The following PPFIA2 variants were observed in gnomAD, a reference collection of about 807,000 sequenced individuals.
The protein encoded by PPFIA2 is PPFI scaffold protein A2.
Under a neutral mutation model 175.5 loss-of-function variants are expected in PPFIA2, and 46 were observed. The ratio of observed to expected loss-of-function variants is 0.26; its 90% CI spans 0.21 to 0.34. The LOEUF is 0.34. Among genes scored for constraint, PPFIA2 ranks in the 10% least tolerant of loss-of-function variants. The pLI, the probability that PPFIA2 is intolerant of heterozygous loss-of-function variation, is 1.00. For synonymous variants in PPFIA2, 568 were observed against 511.4 expected (o/e 1.11, Z -1.49); for missense variants, 1,179 against 1,506.1 (o/e 0.78, Z 3.60).
At chr12:81,711,921 T>C (rs1288346875) in intron 3 of PPFIA2, among the ~76,000 whole-genome samples, 1 of 151,048 alleles carries the variant, frequency 6.6e-6, no homozygotes, top group African/African-American at 2.4e-5. Flanking sequence ...CCATTTCTTA[T>C]ACTTCTGATA....
At chr12:81,460,143 AT>A (rs1489744984) in intron 4 of PPFIA2, among the ~76,000 whole-genome samples, 1 of 152,110 alleles carries the variant, frequency 6.6e-6, no homozygotes, top group Admixed American at 6.6e-5. Flanking sequence ...CAAATCTCAC[AT>A]TGAATTGTAA....
At chr12:81,720,337 T>C (rs1288593940) in intron 3 of PPFIA2, among the ~76,000 whole-genome samples, 1 of 151,520 alleles carries the variant, frequency 6.6e-6, no homozygotes, top group Non-Finnish European at 1.5e-5. Flanking sequence ...TGACACTAAA[T>C]ACATTTGGAT....
At chr12:81,462,524 A>G (rs2054758373) in intron 4 of PPFIA2, among the ~76,000 whole-genome samples, 1 of 143,146 alleles carries the variant, frequency 7.0e-6, no homozygotes. Context: ...TTTTTCACTC[A>G]TATATATGTA....
intron 7 of PPFIA2, among the ~76,000 whole-genome samples, chr12:81,428,301 C>A (rs1231419238): frequency 6.6e-6 from 1 of 151,884 alleles, no homozygotes; most frequent in Non-Finnish European, 1.5e-5. Flanking sequence ...GATTTGCAAA[C>A]AAACTTCAAA....
chr12:81,369,521 G>A, intron 11 of PPFIA2: 1 of 809,360 alleles, frequency 1.2e-6, no homozygotes, highest in Non-Finnish European at 1.6e-6. Flanking sequence ...TGCACAGATG[G>A]TTGATTATCA....
chr12:81,493,787 T>C (rs11114884), intron 4 of PPFIA2, among the ~76,000 whole-genome samples: 18,293 of 127,292 alleles, frequency 0.14, 1,318 homozygotes, highest in Admixed American at 0.19. Flanking sequence ...TATATATATA[T>C]ACACATTGGA....
At chr12:81,358,427 T>G (rs912568570) in intron 15 of PPFIA2, among the ~76,000 whole-genome samples, 2 of 152,180 alleles carry the variant, frequency 1.3e-5, no homozygotes, top group Non-Finnish European at 2.9e-5. Flanking sequence ...GAAAGTCAAG[T>G]GCACTTTCTT....
chr12:81,516,198 C>T (rs957370493), intron 4 of PPFIA2, among the ~76,000 whole-genome samples: 10 of 151,828 alleles, frequency 6.6e-5, no homozygotes, highest in Non-Finnish European at 5.9e-5. Flanking sequence ...TTAAAGTTGG[C>T]CAAGTTATTG....
chr12:81,377,568 AG>A (rs1248527758), intron 9 of PPFIA2, among the ~76,000 whole-genome samples: 2 of 151,504 alleles, frequency 1.3e-5, no homozygotes, highest in African/African-American at 4.8e-5. Context: ...AAAAAAAAAA[AG>A]AAAAAGGAAT....
At chr12:81,415,029 G>C (rs1179459341) in intron 7 of PPFIA2, among the ~76,000 whole-genome samples, 2 of 149,488 alleles carry the variant, frequency 1.3e-5, no homozygotes, top group African/African-American at 4.9e-5. Flanking sequence ...AGTTTGATCA[G>C]CTTACATGTA....
At chr12:81,532,672 A>T (rs762314044) in intron 4 of PPFIA2, among the ~76,000 whole-genome samples, 1 of 151,742 alleles carries the variant, frequency 6.6e-6, no homozygotes. Flanking sequence ...ACTGTTTCTG[A>T]TTACAATCTA....
At chr12:81,284,529 T>C (rs1454410663) in intron 24 of PPFIA2, 4 of 522,184 alleles carry the variant, frequency 7.7e-6, no homozygotes, top group African/African-American at 7.6e-5. Context: ...CTCTTGGGGA[T>C]GTAGATTTAA....
chr12:81,535,004 G>T (rs957761183), intron 4 of PPFIA2, among the ~76,000 whole-genome samples: 1 of 151,658 alleles, frequency 6.6e-6, no homozygotes, highest in African/African-American at 2.4e-5. Context: ...TCCCATTTTA[G>T]CAGGTGTTAT....
intron 3 of PPFIA2, among the ~76,000 whole-genome samples, chr12:81,698,729 A>G (rs139522857): frequency 1.6e-3 from 237 of 151,886 alleles, no homozygotes; most frequent in African/African-American, 5.6e-3. Flanking sequence ...CACAGTTTAG[A>G]AGTGTTACTA....
chr12:81,610,416 T>C (rs2060773034), intron 4 of PPFIA2, among the ~76,000 whole-genome samples: 1 of 152,212 alleles, frequency 6.6e-6, no homozygotes, highest in Non-Finnish European at 1.5e-5. Context: ...AATCCCATAT[T>C]TCATAGAGGT....
intron 28 of PPFIA2, among the ~76,000 whole-genome samples, chr12:81,273,904 CAGCAA>C (rs1419267381): frequency 6.6e-6 from 1 of 150,446 alleles, no homozygotes; most frequent in Non-Finnish European, 1.5e-5. Flanking sequence ...AACCGGTCTG[CAGCAA>C]AGCAAAGGAT....
intron 3 of PPFIA2, among the ~76,000 whole-genome samples, chr12:81,698,382 C>T (rs2076122499): frequency 6.6e-6 from 1 of 152,064 alleles, no homozygotes; most frequent in African/African-American, 2.4e-5. Context: ...CTTAAACATG[C>T]TTTCTTGCCC....
At position 81,375,960 on chromosome 12, in the gene PPFIA2, T is replaced by C; in HGVS notation, c.985-18A>G. 6.3e-7 allele frequency: 1 copy of C among 1,596,668 alleles called. No homozygotes were observed. Among genetic ancestry groups the C allele is most frequent in the Non-Finnish European group, 8.5e-7 (1 of 1,170,446 alleles). Reference sequence around the variant, plus strand: ...GCCATGGCCTACAATTAAAATAATTTAGAAAAAGCAAATCAGATTCTCAGA... The same window carrying C: ...GCCATGGCCTACAATTAAAATAATTCAGAAAAAGCAAATCAGATTCTCAGA... On this transcript the variant is annotated intron_variant, in intron 9 of 32. Coordinates refer to ENST00000549396, the MANE Select transcript of PPFIA2 (RefSeq NM_003625.5).
At chr12:81,647,758 C>G (rs1023137234) in intron 4 of PPFIA2, among the ~76,000 whole-genome samples, 1 of 104,398 alleles carries the variant, frequency 9.6e-6, no homozygotes, top group Admixed American at 1.0e-4. Context: ...AAGACTCTGT[C>G]TCAAATATAT....
Sources: allele counts gnomAD v4.1 joint callset (sites outside exome capture counted in the v4.1 genomes callset), GRCh38; gene constraint gnomAD v4.1.1; transcripts MANE v1.5; gene names NCBI Gene and HGNC (gene_info 2026-07-23, HGNC 2026-07-21).